Variants in WWOX observed in about 807,000 individuals in gnomAD.
WWOX encodes the protein WW domain containing oxidoreductase, also known as WW domain-containing oxidoreductase.
In WWOX, 69 loss-of-function variants were observed where a neutral mutation model predicts 46.2. That is an observed-to-expected ratio of 1.49 (90% CI 1.23 to 1.82). The LOEUF is 1.82. WWOX is among the 40% of genes most tolerant of loss of function. The pLI is 0.00. For synonymous variants in WWOX, 359 were observed against 202.6 expected (o/e 1.77, Z -6.56); for missense variants, 919 against 542.6 (o/e 1.69, Z -6.89).
At chr16:78,730,617 A>ATTTTTTTTTT (rs536906826) in intron 8 of WWOX, among the ~76,000 whole-genome samples, 201 of 123,038 alleles carry the variant, frequency 1.6e-3, no homozygotes, top group African/African-American at 5.7e-3. Flanking sequence ...ACGCCCGGCA[A>ATTTTTTTTTT]TTTTTTTTTT....
intron 8 of WWOX, chr16:78,551,560 A>G (rs1398769226): frequency 6.6e-6 from 1 of 152,114 alleles, no homozygotes; most frequent in Non-Finnish European, 1.5e-5. Context: ...GACCTAAAGG[A>G]TTCTGTCTGG....
At chr16:78,996,385 C>CCCG in intron 8 of WWOX, 1 of 766,892 alleles carries the variant, frequency 1.3e-6, no homozygotes, top group South Asian at 6.7e-5. Context: ...CACCCCCGCC[C>CCCG]CCCAGCTTCC....
rs1256277063 is a variant in WWOX, at chr16:78,829,664, T to C, written c.1057-381944T>C. On this transcript the variant is annotated intron_variant, in intron 8 of 8. Coordinates refer to ENST00000566780, the MANE Select transcript of WWOX (RefSeq NM_016373.4). The stretch of plus-strand genomic sequence containing the variant: ...CCTGTACTAGGTTCTGTGCCAAGGA[T>C]TTTAGAAAGTCATGTCTCATTCAGT... Among the ~76,000 whole-genome samples, 4 of 152,120 alleles carry C rather than the reference T, an allele frequency of 2.6e-5. No homozygotes were observed. In the East Asian group the frequency reaches 7.7e-4, roughly 29 times the overall value.
chr16:79,041,021 A>G (rs1001827571), intron 8 of WWOX, among the ~76,000 whole-genome samples: 6 of 151,814 alleles, frequency 4.0e-5, no homozygotes, highest in East Asian at 1.9e-4. Context: ...AGACAAGTGC[A>G]TTTCACCGTT....
intron 8 of WWOX, among the ~76,000 whole-genome samples, chr16:78,792,218 C>A (rs1013662236): frequency 1.3e-5 from 2 of 152,116 alleles, no homozygotes; most frequent in Non-Finnish European, 2.9e-5. Context: ...GCTAAGCTCC[C>A]CTGCATTGCT....
At chr16:78,132,529 C>A (rs1460359252) in intron 4 of WWOX, among the ~76,000 whole-genome samples, 1 of 152,110 alleles carries the variant, frequency 6.6e-6, no homozygotes, top group Admixed American at 6.5e-5. Context: ...ACGTATGCGG[C>A]CATGTGATGA....
At chr16:78,466,951 G>C (rs571895620) in intron 8 of WWOX, among the ~76,000 whole-genome samples, 25 of 146,984 alleles carry the variant, frequency 1.7e-4, no homozygotes, top group African/African-American at 6.5e-4. Context: ...GCCCAGTAAA[G>C]TAAACAGATC....
intron 8 of WWOX, among the ~76,000 whole-genome samples, chr16:79,127,467 T>C (rs557177635): frequency 6.6e-6 from 1 of 152,206 alleles, no homozygotes; most frequent in African/African-American, 2.4e-5. Context: ...AACTGCTGAG[T>C]ATTACACTGT....
chr16:78,437,013 A>G (rs2083350025), intron 8 of WWOX, among the ~76,000 whole-genome samples: 1 of 152,242 alleles, frequency 6.6e-6, no homozygotes, highest in Non-Finnish European at 1.5e-5. Context: ...CCCTATCACC[A>G]GATGGCTAGT....
chr16:78,664,127 G>C (rs908273470), intron 8 of WWOX, among the ~76,000 whole-genome samples: 3 of 152,192 alleles, frequency 2.0e-5, no homozygotes, highest in Non-Finnish European at 4.4e-5. Context: ...ATGCTGGGAG[G>C]TGACCCTGGA....
At chr16:79,158,552 A>G (rs2050425878) in intron 8 of WWOX, among the ~76,000 whole-genome samples, 1 of 152,136 alleles carries the variant, frequency 6.6e-6, no homozygotes, top group African/African-American at 2.4e-5. Flanking sequence ...CTTTCCACAT[A>G]TGCTGGATCA....
chr16:78,312,341 T>A (rs11861359), intron 5 of WWOX, among the ~76,000 whole-genome samples: 1 of 151,286 alleles, frequency 6.6e-6, no homozygotes, highest in East Asian at 2.0e-4. Context: ...GAAACACTTA[T>A]ATTGCTAGTG....
intron 5 of WWOX, among the ~76,000 whole-genome samples, chr16:78,355,250 GTC>G (rs1491579668): frequency 3.6e-5 from 3 of 83,462 alleles, no homozygotes; most frequent in African/African-American, 1.5e-4. Flanking sequence ...GTGTGTGTGT[GTC>G]TGTATATAAA....
intron 8 of WWOX, among the ~76,000 whole-genome samples, chr16:78,953,544 A>G (rs991452127): frequency 1.3e-5 from 2 of 152,170 alleles, no homozygotes; most frequent in East Asian, 3.9e-4. Context: ...GGCTTCCTTC[A>G]GAGTCATTGC....
At chr16:78,150,913 A>G (rs2034382963) in intron 4 of WWOX, among the ~76,000 whole-genome samples, 1 of 151,690 alleles carries the variant, frequency 6.6e-6, no homozygotes, top group Admixed American at 6.6e-5. Flanking sequence ...TCGCTCTGTC[A>G]CCCACCCAGG....
intron 8 of WWOX, among the ~76,000 whole-genome samples, chr16:78,849,598 C>T (rs1484315283): frequency 1.6e-5 from 2 of 123,876 alleles, no homozygotes; most frequent in African/African-American, 5.8e-5. Flanking sequence ...AAAAAGAAAA[C>T]AACTACAACC....
At chr16:78,394,479 C>A (rs1008978795) in intron 6 of WWOX, among the ~76,000 whole-genome samples, 3 of 152,080 alleles carry the variant, frequency 2.0e-5, no homozygotes, top group African/African-American at 7.2e-5. Flanking sequence ...ATGCTTCCCT[C>A]CTAAGCAAAA....
chr16:78,506,543 T>C (rs1165714939), intron 8 of WWOX: 1 of 152,100 alleles, frequency 6.6e-6, no homozygotes, highest in Non-Finnish European at 1.5e-5. Context: ...CTGTCCCTTT[T>C]CTGGATGCAG....
intron 6 of WWOX, among the ~76,000 whole-genome samples, chr16:78,410,300 C>T (rs1218147064): frequency 6.6e-6 from 1 of 152,144 alleles, no homozygotes; most frequent in Admixed American, 6.6e-5. Context: ...TATTGCAGTG[C>T]AAGAATAGCT....
Sources: gnomAD v4.1 joint callset for allele counts (sites outside exome capture counted in the v4.1 genomes callset) on GRCh38, gnomAD v4.1.1 for gene constraint, MANE v1.5 for transcripts, NCBI Gene and HGNC (gene_info 2026-07-23, HGNC 2026-07-21) for gene names.